Variants in TUT7 observed in about 807,000 individuals in gnomAD.
TUT7 encodes terminal uridylyltransferase 7.
Under a neutral mutation model 165.9 loss-of-function variants are expected in TUT7, and 33 were observed. The observed-to-expected ratio is 0.20, with a 90% CI of 0.15 to 0.27. The LOEUF (loss-of-function observed/expected upper bound fraction) is 0.27, where lower values mean the gene tolerates loss of function less well. TUT7 is among the 10% of genes least tolerant of loss of function. The probability of loss-of-function intolerance (pLI) is 1.00; values close to 1 mark genes in which losing one functional copy is unlikely to be tolerated. For missense variants in TUT7, 1,338 were observed against 1,762.3 expected (o/e 0.76, Z 4.31); for synonymous variants, 552 against 608.1 (o/e 0.91, Z 1.36).
chr9:86,309,161 G>C (rs764138706), intron 21 of TUT7, 51 bp downstream of exon 21: 2 of 1,139,886 alleles, frequency 1.8e-6, no homozygotes, highest in Admixed American at 3.8e-5. Flanking sequence ...CTGTAGTATA[G>C]CTAATTTTTA....
At chr9:86,333,762 A>G (rs953643918) in intron 10 of TUT7, among the ~76,000 whole-genome samples, 3 of 152,126 alleles carry the variant, frequency 2.0e-5, no homozygotes, top group African/African-American at 7.2e-5. Context: ...TTTGCCTTTC[A>G]GCATGCTTTG....
intron 17 of TUT7, among the ~76,000 whole-genome samples, chr9:86,315,498 T>C (rs1439813997): frequency 6.6e-6 from 1 of 152,218 alleles, no homozygotes; most frequent in Non-Finnish European, 1.5e-5. Flanking sequence ...ATAAAAGTTA[T>C]ATGTGGAACT....
chr9:86,335,856 A>G (rs1472664932), intron 10 of TUT7, among the ~76,000 whole-genome samples: 1 of 152,174 alleles, frequency 6.6e-6, no homozygotes. Context: ...GTGTTTGATC[A>G]CTGCATACCT....
At chr9:86,329,703 T>C (rs13286889) in intron 10 of TUT7, among the ~76,000 whole-genome samples, 34 of 152,196 alleles carry the variant, frequency 2.2e-4, no homozygotes, top group African/African-American at 5.8e-4. Context: ...CTGTTCATAG[T>C]GGTTTCTGTC....
intron 24 of TUT7, among the ~76,000 whole-genome samples, chr9:86,304,102 CTAAGAG>C (rs1404901290): frequency 6.6e-6 from 1 of 151,302 alleles, no homozygotes; most frequent in Non-Finnish European, 1.5e-5. Context: ...TTCAAGATAA[CTAAGAG>C]TAAATCTCAA....
rs1187846140 is a variant in TUT7 at position 86,328,461 on chromosome 9, T to C, written c.1487A>G (p.Asn496Ser). The C allele has an allele frequency of 6.8e-6, 11 of 1,610,594 alleles. No homozygotes were observed. Among genetic ancestry groups the C allele is most frequent in the Non-Finnish European group, 9.3e-6 (11 of 1,178,520 alleles). ...TTTTTCAATGTCTTGAAGGTTGAAA[T>C]TCCCTAGTTTGCTTAATGAGAATCC... ...IEGFSLSKLG[N>S]FNLQDIEKDV... The change falls in exon 11 of 27, where the codon AAT becomes AGT. Residue 496 changes from asparagine (N) to serine (S), a missense_variant. Asn to Ser is a conservative substitution (Grantham distance 46). Around this residue, in one of 7 missense-constraint regions of TUT7, gnomAD observed 74 missense variants for 128.5 expected, o/e 0.58. Transcript: ENST00000375963.
chr9:86,338,162 G>C (rs948902196), intron 9 of TUT7, among the ~76,000 whole-genome samples: 2 of 151,494 alleles, frequency 1.3e-5, no homozygotes, highest in African/African-American at 4.8e-5. Flanking sequence ...TGATATACCT[G>C]AATCAGTAAA....
chr9:86,299,152 T>G (rs1394411875), intron 26 of TUT7, among the ~76,000 whole-genome samples: 1 of 152,018 alleles, frequency 6.6e-6, no homozygotes, highest in Non-Finnish European at 1.5e-5. Flanking sequence ...AGCTCCTGAG[T>G]GAACAGATGA....
chr9:86,342,952 C>T (rs1376154074), intron 6 of TUT7, 123 bp downstream of exon 6: 12 of 649,688 alleles, frequency 1.8e-5, no homozygotes, highest in Admixed American at 9.3e-5. Context: ...TGAAGGCAAG[C>T]GGATGCTGTC....
chr9:86,354,192 C>T (rs538843307), intron 1 of TUT7, 79 bp downstream of exon 1: 1 of 152,838 alleles, frequency 6.5e-6, no homozygotes, highest in East Asian at 1.9e-4. Flanking sequence ...AACCCGAGGG[C>T]TCAGCCTCTG....
chr9:86,345,234 T>G (rs1467439774), intron 4 of TUT7, 80 bp from the exon 5 acceptor site: 1 of 1,374,288 alleles, frequency 7.3e-7, no homozygotes, highest in African/African-American at 1.5e-5. Context: ...CAACACCCTA[T>G]AGAGTTTTCT....
At chr9:86,330,514 T>C (rs1390301741) in intron 10 of TUT7, among the ~76,000 whole-genome samples, 2 of 152,246 alleles carry the variant, frequency 1.3e-5, no homozygotes, top group African/African-American at 4.8e-5. Context: ...TGGATGTATG[T>C]ATTCAATATT....
chr9:86,309,129 A>AT, intron 21 of TUT7, 83 bp downstream of exon 21: 1 of 800,820 alleles, frequency 1.2e-6, no homozygotes, highest in Non-Finnish European at 2.1e-6. Flanking sequence ...ACAAGCAATA[A>AT]AATAGTTGTT....
intron 19 of TUT7, among the ~76,000 whole-genome samples, 175 bp from the exon 20 acceptor site, chr9:86,309,751 A>C (rs1341889632): frequency 6.6e-6 from 1 of 152,252 alleles, no homozygotes; most frequent in Non-Finnish European, 1.5e-5. Flanking sequence ...TACGTGCAAG[A>C]TCAGGTCATT....
intron 20 of TUT7, 30 bp from the exon 21 acceptor site, chr9:86,309,319 G>T: frequency 1.4e-6 from 2 of 1,457,434 alleles, no homozygotes; most frequent in South Asian, 1.2e-5. Context: ...TATTAGTATG[G>T]ATTACAAACT....
At position 86,301,294 on chromosome 9, in the gene TUT7, G is replaced by T; in HGVS notation, c.4402C>A (p.Gln1468Lys). The T allele has an allele frequency of 2.5e-6, 4 of 1,613,958 alleles. No individual in the cohort carries two copies. Among genetic ancestry groups the T allele is most frequent in the Non-Finnish European group, 3.4e-6 (4 of 1,179,914 alleles). ...TCCATACCTGAAGAGCCTTTAAACT[G>T]TGGGCATTCCTTTTTAATGTGCCCT... Reference protein sequence around the residue: ...REGHIKKECPQFKGSSGSLSS... With the variant: ...REGHIKKECPKFKGSSGSLSS... The change falls in exon 26 of 27, where the codon CAG becomes AAG. Residue 1468 changes from glutamine (Q) to lysine (K), a missense_variant. Transcript: ENST00000375963.
At chr9:86,352,493 T>C in intron 2 of TUT7, 187 bp downstream of exon 2, 2 of 693,004 alleles carry the variant, frequency 2.9e-6, no homozygotes, top group Non-Finnish European at 4.8e-6. Context: ...ACATATGAAA[T>C]GTGTTTTAGC....
At chr9:86,302,709 C>T (rs1280165624) in intron 25 of TUT7, among the ~76,000 whole-genome samples, 6 of 151,824 alleles carry the variant, frequency 4.0e-5, no homozygotes, top group Admixed American at 6.6e-5. Flanking sequence ...CTCTGCCTCC[C>T]GGGTTCAAGC....
chr9:86,295,015 G>T (rs993472151), intron 26 of TUT7, among the ~76,000 whole-genome samples: 1 of 151,986 alleles, frequency 6.6e-6, no homozygotes, highest in African/African-American at 2.4e-5. Context: ...AGAAAATAGG[G>T]CCTAGCTTGT....
Sources: allele counts gnomAD v4.1 joint callset (sites outside exome capture counted in the v4.1 genomes callset), GRCh38; gene constraint gnomAD v4.1.1; regional missense constraint gnomAD v4.1.1; transcripts MANE v1.5; gene names NCBI Gene and HGNC (gene_info 2026-07-23, HGNC 2026-07-21).